Variants in GBE1 observed in about 807,000 individuals in gnomAD.
The protein encoded by GBE1 is 1,4-alpha-glucan-branching enzyme.
A neutral mutation model predicts 88.8 loss-of-function variants in GBE1; 70 were observed. The observed-to-expected ratio is 0.79, with a 90% CI of 0.65 to 0.96. The LOEUF is 0.96. GBE1 is among the 40% of genes least tolerant of loss of function. The probability of loss-of-function intolerance (pLI) is 0.00; values close to 1 mark genes in which losing one functional copy is unlikely to be tolerated. For missense variants in GBE1, 872 were observed against 871.0 expected, an observed-to-expected ratio of 1.00 and a Z score of -0.01; for synonymous variants, 284 against 300.1, an observed-to-expected ratio of 0.95 and a Z score of 0.56.
intron 1 of GBE1, among the ~76,000 whole-genome samples, chr3:81,761,058 C>G (rs1435592563): frequency 6.6e-6 from 1 of 152,238 alleles, no homozygotes; most frequent in African/African-American, 2.4e-5. Context: ...AGTCACTCCC[C>G]AGCAGCACTC....
At chr3:81,654,882 C>A (rs770676343) in intron 3 of GBE1, 23 of 151,700 alleles carry the variant, frequency 1.5e-4, no homozygotes, top group Non-Finnish European at 5.9e-5. Flanking sequence ...ACACATAAAC[C>A]CAACATATTT....
chr3:81,668,754 C>T (rs1705149012), intron 3 of GBE1, among the ~76,000 whole-genome samples: 1 of 152,098 alleles, frequency 6.6e-6, no homozygotes, highest in South Asian at 2.1e-4. Flanking sequence ...GATTCTCCAC[C>T]AAAAGAAGGA....
chr3:81,722,775 C>T (rs1355629588), intron 1 of GBE1, among the ~76,000 whole-genome samples: 3 of 151,418 alleles, frequency 2.0e-5, no homozygotes, highest in African/African-American at 7.3e-5. Context: ...CCCTTCAAGG[C>T]TTCGATGGCT....
At chr3:81,678,177 A>G (rs938947278) in intron 2 of GBE1, among the ~76,000 whole-genome samples, 5 of 152,224 alleles carry the variant, frequency 3.3e-5, no homozygotes, top group Admixed American at 3.3e-4. Context: ...CCTAGACTAC[A>G]AACCTGTATG....
At chr3:81,573,351 A>G (rs1380398534) in intron 12 of GBE1, among the ~76,000 whole-genome samples, 1 of 152,206 alleles carries the variant, frequency 6.6e-6, no homozygotes, top group South Asian at 2.1e-4. Context: ...GATCTCATAC[A>G]TAACTTTCCT....
rs117996553 is a variant in GBE1, at chr3:81,664,690, T to C, written c.429+6148A>G. On this transcript the variant is annotated intron_variant, in intron 3 of 15. Transcript: ENST00000429644. ...AACAATGTGTTCATGAGATTGCTTA[T>C]AGTTCTATTCACATGAACAGATATT... Among the ~76,000 whole-genome samples, 598 of 152,342 alleles carry C rather than the reference T, an allele frequency of 3.9e-3. 11 individuals carry two copies. Among genetic ancestry groups the C allele is most frequent in the Admixed American group, 0.03 (464 of 15,302 alleles).
intron 5 of GBE1, 58 bp from the exon 6 acceptor site, chr3:81,646,540 G>A: frequency 5.6e-6 from 5 of 900,226 alleles, no homozygotes; most frequent in South Asian, 3.2e-5. Flanking sequence ...AAAAGTAATG[G>A]GGAAAAAAAG....
chr3:81,678,397 A>G (rs1705292285), intron 2 of GBE1, among the ~76,000 whole-genome samples: 1 of 152,202 alleles, frequency 6.6e-6, no homozygotes, highest in Non-Finnish European at 1.5e-5. Flanking sequence ...GATTTATGGG[A>G]GAAAATAGTT....
rs549019051 is a variant in GBE1 at position 81,753,894 on chromosome 3, A to G, written c.143+7481T>C. ...CTTGGCCAGGCACTGAGAAAAAAGT[A>G]CCCCATTCCACTGTGATATAAAACT... On this transcript the variant is annotated intron_variant, in intron 1 of 15. Coordinates refer to ENST00000429644, the MANE Select transcript of GBE1 (RefSeq NM_000158.4). Among the ~76,000 whole-genome samples, 26 of 152,258 alleles carry G rather than the reference A, an allele frequency of 1.7e-4. No individual in the cohort carries two copies. The South Asian group carries it at 5.0e-3, about 29-fold the overall frequency.
chr3:81,492,971 C>T (rs1435421217), intron 15 of GBE1, among the ~76,000 whole-genome samples: 4 of 152,080 alleles, frequency 2.6e-5, no homozygotes, highest in Non-Finnish European at 4.4e-5. Context: ...CTCTTGACCT[C>T]GTGATCTGCC....
intron 14 of GBE1, among the ~76,000 whole-genome samples, chr3:81,501,688 T>TA (rs1467884835): frequency 8.9e-5 from 7 of 78,606 alleles, no homozygotes; most frequent in Non-Finnish European, 1.3e-4. Flanking sequence ...TAGGGGCACT[T>TA]TTTTTTTTTT....
chr3:81,761,571 G>C lies in GBE1; in HGVS notation c.-54C>G. The C allele has an allele frequency of 1.3e-6, 2 of 1,554,752 alleles. No individual in the cohort carries two copies. Among genetic ancestry groups the C allele is most frequent in the Non-Finnish European group, 1.7e-6 (2 of 1,152,620 alleles). On this transcript the variant is annotated 5_prime_UTR_variant, in exon 1 of 16. Coordinates refer to ENST00000429644, the MANE Select transcript of GBE1 (RefSeq NM_000158.4). Reference sequence around the variant, plus strand: ...CCGAGAGGTCGAGTGGGGCCTGAGCGGGCGCTGGAGCTCTAGCTGGGACGC... The same window carrying C: ...CCGAGAGGTCGAGTGGGGCCTGAGCCGGCGCTGGAGCTCTAGCTGGGACGC...
At chr3:81,666,713 T>G (rs545157818) in intron 3 of GBE1, among the ~76,000 whole-genome samples, 2 of 152,288 alleles carry the variant, frequency 1.3e-5, no homozygotes, top group South Asian at 4.1e-4. Context: ...GAGGGAGATA[T>G]AACTTCACTG....
At chr3:81,557,133 T>G (rs1472809312) in intron 12 of GBE1, among the ~76,000 whole-genome samples, 1 of 152,098 alleles carries the variant, frequency 6.6e-6, no homozygotes, top group East Asian at 1.9e-4. Flanking sequence ...AGGATCAGAA[T>G]GTAGACAGAC....
intron 1 of GBE1, among the ~76,000 whole-genome samples, chr3:81,706,862 C>T (rs531655389): frequency 6.8e-6 from 1 of 147,682 alleles, no homozygotes; most frequent in Non-Finnish European, 1.5e-5. Context: ...ATGAGTTAGA[C>T]TCAACAAAAA....
At chr3:81,632,025 T>C (rs970692575) in intron 7 of GBE1, among the ~76,000 whole-genome samples, 7 of 152,136 alleles carry the variant, frequency 4.6e-5, no homozygotes, top group Admixed American at 2.0e-4. Flanking sequence ...GTTCTCATTG[T>C]TTGACTCCGA....
chr3:81,649,909 T>C lies in GBE1; in HGVS notation c.442A>G (p.Ser148Gly). 2 of 1,607,006 alleles carry C rather than the reference T, an allele frequency of 1.2e-6. No homozygotes were observed. Among genetic ancestry groups the C allele is most frequent in the East Asian group, 2.2e-5 (1 of 44,718 alleles). ...HGSKLKVVIT[S>G]KSGEILYRIS... ...CGATACAAGATCTCTCCGCTTTTACTAGTAATAACTACCTAAAAAGAGAAT... is the reference window on the plus strand; with the variant it reads ...CGATACAAGATCTCTCCGCTTTTACCAGTAATAACTACCTAAAAAGAGAAT... The change falls in exon 4 of 16, where the codon AGT (serine) becomes GGT (glycine). Residue 148 changes from serine to glycine, a missense_variant. By Grantham distance (56) the Ser-to-Gly change is moderately conservative (BLOSUM62 0). Transcript: ENST00000429644.
At chr3:81,503,237 G>A (rs774997673) in intron 14 of GBE1, among the ~76,000 whole-genome samples, 5 of 152,140 alleles carry the variant, frequency 3.3e-5, no homozygotes, top group Non-Finnish European at 5.9e-5. Context: ...CCTGTAAAGG[G>A]AGATTAGGCA....
At chr3:81,757,803 G>A (rs1706624118) in intron 1 of GBE1, among the ~76,000 whole-genome samples, 1 of 152,184 alleles carries the variant, frequency 6.6e-6, no homozygotes, top group Non-Finnish European at 1.5e-5. Flanking sequence ...CCAAGATAAG[G>A]AGAAAGATCT....
Sources: allele counts gnomAD v4.1 joint callset (sites outside exome capture counted in the v4.1 genomes callset), GRCh38; gene constraint gnomAD v4.1.1; transcripts MANE v1.5; gene names NCBI Gene and HGNC (gene_info 2026-07-23, HGNC 2026-07-21).